Variants in PRMT7 observed in about 807,000 individuals in gnomAD.
PRMT7 encodes protein arginine N-methyltransferase 7.
Under a neutral mutation model 85.4 loss-of-function variants are expected in PRMT7, and 75 were observed. The observed-to-expected ratio is 0.88, with a 90% CI of 0.73 to 1.06. The LOEUF (loss-of-function observed/expected upper bound fraction) is 1.06. Ranked by LOEUF, PRMT7 falls within the 50% of genes least tolerant of loss-of-function variation. The probability of loss-of-function intolerance (pLI) is 0.00; values close to 1 mark genes in which losing one functional copy is unlikely to be tolerated. For synonymous variants in PRMT7, 397 were observed against 359.5 expected (o/e 1.10, Z -1.18); for missense variants, 868 against 915.2 (o/e 0.95, Z 0.67).
At chr16:68,356,005 C>T in intron 17 of PRMT7, 122 bp downstream of exon 17, 21 of 1,109,768 alleles carry the variant, frequency 1.9e-5, no homozygotes, top group Non-Finnish European at 2.4e-5. Flanking sequence ...TTCGTCCTCC[C>T]CACAACCTTG....
Position 68,337,589 on chromosome 16 carries a change from C to A in PRMT7, c.504+18C>A. ...TCGTGGAGGTAGTAGACGGAGGGCT[C>A]CCTCAGACGTGTCTGTGGTCTCAGC... On this transcript the variant is annotated intron_variant, in intron 7 of 18. Coordinates refer to ENST00000441236, the MANE Select transcript of PRMT7 (RefSeq NM_019023.5). 6.5e-7 allele frequency: 1 copy of A among 1,549,788 alleles called. No homozygotes were observed. The highest frequency in any genetic ancestry group is 8.9e-7 in the Non-Finnish European group (1 of 1,128,394).
chr16:68,341,281 A>T (rs2085494223), intron 9 of PRMT7, among the ~76,000 whole-genome samples: 1 of 152,216 alleles, frequency 6.6e-6, no homozygotes, highest in Non-Finnish European at 1.5e-5. Flanking sequence ...CCCACTGTTC[A>T]GACAAAACCA....
chr16:68,347,518 G>C, intron 12 of PRMT7, 113 bp from the exon 13 acceptor site: 2 of 1,226,490 alleles, frequency 1.6e-6, no homozygotes, highest in East Asian at 4.7e-5. Context: ...TGAGGGCAGG[G>C]AGGGTTGTTC....
chr16:68,355,989 G>T lies in PRMT7; in HGVS notation c.1811+106G>T, dbSNP rs556203544. The stretch of plus-strand genomic sequence containing the variant: ...GCCTGGGAGACGCTGACACGTGGAG[G>T]GGGTATTCGTCCTCCCCACAACCTT... On this transcript the variant is annotated intron_variant, in intron 17 of 18. Coordinates refer to ENST00000441236, the MANE Select transcript of PRMT7 (RefSeq NM_019023.5). 5.7e-6 allele frequency: 7 copies of T among 1,237,546 alleles called. No homozygotes were observed. In the South Asian group the frequency reaches 7.1e-5, roughly 13 times the overall value. 76.7% of individuals were successfully genotyped at this position (1,237,546 alleles called of 1,614,324 possible).
At chr16:68,353,281 G>C in intron 15 of PRMT7, 1 of 1,061,576 alleles carries the variant, frequency 9.4e-7, no homozygotes, top group Non-Finnish European at 1.3e-6. Context: ...TTATAGGAGA[G>C]GACTCAGGTG....
intron 15 of PRMT7, 52 bp downstream of exon 15, chr16:68,352,461 AC>A: frequency 6.5e-7 from 1 of 1,541,794 alleles, no homozygotes; most frequent in Non-Finnish European, 8.7e-7. Flanking sequence ...CGGGTGGGGA[AC>A]CTTGTTTTCT....
Position 68,357,268 on chromosome 16 carries a change from T to TG in PRMT7, c.*46dup. 1 of 1,552,874 alleles carries TG rather than the reference T, an allele frequency of 6.4e-7. No homozygotes were observed. The highest frequency in any genetic ancestry group is 8.7e-7 in the Non-Finnish European group (1 of 1,146,702). ...GTGGCCTGAGGGCTGGGGTTCTGAG[T>TG]GGCTCATGGCTTTCTAGCGGGGAAG... On this transcript the variant is annotated 3_prime_UTR_variant, in exon 19 of 19. Transcript: ENST00000441236.
Position 68,357,724 on chromosome 16 carries a change from C to A in PRMT7, c.*500C>A, listed in dbSNP as rs1357376348. The stretch of plus-strand genomic sequence containing the variant: ...GGTCTCTGGGGCTTGAAGACCCTGG[C>A]TGGGCCCGGGCTGAGAGGCCTGGGT... On this transcript the variant is annotated 3_prime_UTR_variant, in exon 19 of 19. Transcript: ENST00000441236. 3 of 102,674 alleles carry A rather than the reference C, an allele frequency of 2.9e-5. No homozygotes were observed. The highest frequency in any genetic ancestry group is 6.0e-5 in the Non-Finnish European group (3 of 49,996). The allele number at this position is 102,674 out of a possible 1,614,324, so 6.4% of individuals were successfully genotyped here.
At chr16:68,323,848 A>C (rs2082784186) in intron 4 of PRMT7, 1 of 152,218 alleles carries the variant, frequency 6.6e-6, no homozygotes. Flanking sequence ...GTTATTTTCA[A>C]CAGAAGGGTC....
intron 7 of PRMT7, among the ~76,000 whole-genome samples, chr16:68,338,590 G>C (rs1283478765): frequency 2.6e-5 from 4 of 152,126 alleles, no homozygotes; most frequent in Non-Finnish European, 5.9e-5. Context: ...CCTGGGGAAG[G>C]CAGCGGGAGT....
intron 9 of PRMT7, among the ~76,000 whole-genome samples, chr16:68,343,120 C>G (rs1215009793): frequency 6.6e-6 from 1 of 152,064 alleles, no homozygotes; most frequent in Non-Finnish European, 1.5e-5. Flanking sequence ...AGGAGAATCA[C>G]TTCAACCTGG....
intron 3 of PRMT7, 102 bp downstream of exon 3, chr16:68,316,176 T>C: frequency 2.0e-6 from 2 of 997,928 alleles, no homozygotes; most frequent in Non-Finnish European, 3.1e-6. Context: ...TGTCACCCAG[T>C]GCTTATGATG....
intron 1 of PRMT7, chr16:68,311,664 T>C (rs987205004): frequency 3.9e-5 from 6 of 152,242 alleles, no homozygotes; most frequent in African/African-American, 1.4e-4. Flanking sequence ...GCAAAAGTGC[T>C]TCGGTCGCTC....
At chr16:68,316,237 A>G in intron 3 of PRMT7, 163 bp downstream of exon 3, 2 of 597,004 alleles carry the variant, frequency 3.4e-6, no homozygotes, top group Non-Finnish European at 6.1e-6. Context: ...AGGTATATGT[A>G]GCAGTTAGGC....
Position 68,355,861 on chromosome 16 carries a change from G to T in PRMT7, c.1789G>T (p.Glu597Ter). 6.2e-7 allele frequency: 1 copy of T among 1,604,770 alleles called. No homozygotes were observed. The change falls in exon 17 of 19, where the codon GAG (glutamate) becomes TAG (stop). Residue 597 changes from glutamate (E) to a stop codon, truncating the protein, a stop_gained. Coordinates refer to ENST00000441236, the MANE Select transcript of PRMT7 (RefSeq NM_019023.5). LOFTEE classifies it high-confidence loss of function. ...GGTGCCCCTGCAGCCCCTGTGTGCC[G>T]AGGGCACCGTGGAGCTCAGAAGGTG... ...QPVPLQPLCA[E>*]GTVELRRPGQ...
intron 15 of PRMT7, 144 bp downstream of exon 15, chr16:68,352,553 T>C: frequency 4.3e-6 from 3 of 693,054 alleles, no homozygotes; most frequent in Non-Finnish European, 6.5e-6. Context: ...CAGCACACTG[T>C]GGGGTTGAAT....
chr16:68,356,926 A>C lies in PRMT7; in HGVS notation c.1909-128A>C, dbSNP rs2088658487. On this transcript the variant is annotated intron_variant, in intron 18 of 18. Transcript: ENST00000441236. Reference sequence around the variant, plus strand: ...TCTTCGGGCCAGATGATGACCCCTCAGTGGTCCTGGGCCATCTGGCCCCTG... The same window carrying C: ...TCTTCGGGCCAGATGATGACCCCTCCGTGGTCCTGGGCCATCTGGCCCCTG... 5 of 1,369,156 alleles carry C rather than the reference A, an allele frequency of 3.7e-6. No homozygotes were observed. In the East Asian group the frequency reaches 9.8e-5, roughly 27 times the overall value. The allele number at this position is 1,369,156 out of a possible 1,614,324, so 84.8% of individuals were successfully genotyped here. A position where few individuals can be genotyped will look rare whatever the true frequency, so the allele number is the denominator to read the frequency against.
At chr16:68,333,953 T>C (rs886989338) in intron 6 of PRMT7, among the ~76,000 whole-genome samples, 5 of 152,018 alleles carry the variant, frequency 3.3e-5, no homozygotes, top group Non-Finnish European at 7.4e-5. Flanking sequence ...GTATTTTTAG[T>C]AGAGATGGGG....
intron 17 of PRMT7, among the ~76,000 whole-genome samples, chr16:68,356,385 G>A (rs903808218): frequency 6.6e-6 from 1 of 152,234 alleles, no homozygotes; most frequent in Non-Finnish European, 1.5e-5. Context: ...GTTGCTGTCT[G>A]GGGCATCAGA....
Sources: gnomAD v4.1 joint callset for allele counts (sites outside exome capture counted in the v4.1 genomes callset) on GRCh38, gnomAD v4.1.1 for gene constraint, MANE v1.5 for transcripts, NCBI Gene and HGNC (gene_info 2026-07-23, HGNC 2026-07-21) for gene names.